SPOCK1: variants seen among roughly 807,000 people sequenced by gnomAD.
SPOCK1 encodes the protein testican-1.
In SPOCK1, 23 loss-of-function variants were observed where a neutral mutation model predicts 55.3. That is an observed-to-expected ratio of 0.42 (90% CI 0.30 to 0.59). The LOEUF (loss-of-function observed/expected upper bound fraction) is 0.59, where lower values mean the gene tolerates loss of function less well. Among genes scored for constraint, SPOCK1 ranks in the 20% least tolerant of loss-of-function variants. The pLI, the probability that SPOCK1 is intolerant of heterozygous loss-of-function variation, is 0.22. For synonymous variants in SPOCK1, 226 were observed against 221.0 expected (o/e 1.02, Z -0.20); for missense variants, 499 against 552.5 (o/e 0.90, Z 0.97).
At chr5:137,358,469 G>T (rs1442076887) in intron 2 of SPOCK1, among the ~76,000 whole-genome samples, 1 of 144,442 alleles carries the variant, frequency 6.9e-6, no homozygotes, top group African/African-American at 2.5e-5. Context: ...GGAGGGGAGG[G>T]GAGGGGAGGG....
At chr5:137,160,576 TA>T (rs1196011089) in intron 3 of SPOCK1, among the ~76,000 whole-genome samples, 3 of 60,030 alleles carry the variant, frequency 5.0e-5, no homozygotes, top group East Asian at 6.6e-4. Flanking sequence ...ATATATTATA[TA>T]ATATATATAA....
At chr5:137,401,830 T>C (rs934828486) in intron 2 of SPOCK1, among the ~76,000 whole-genome samples, 2 of 152,128 alleles carry the variant, frequency 1.3e-5, no homozygotes, top group Non-Finnish European at 2.9e-5. Context: ...AATCTGCTCA[T>C]GATACACATA....
intron 2 of SPOCK1, among the ~76,000 whole-genome samples, chr5:137,428,643 T>C (rs1752683128): frequency 6.6e-6 from 1 of 152,184 alleles, no homozygotes; most frequent in African/African-American, 2.4e-5. Flanking sequence ...TCATCCCTGT[T>C]AGGCATTAAG....
chr5:137,370,362 A>G (rs1751172611), intron 2 of SPOCK1, among the ~76,000 whole-genome samples: 1 of 152,224 alleles, frequency 6.6e-6, no homozygotes, highest in African/African-American at 2.4e-5. Flanking sequence ...CGTCCCTGCC[A>G]GATTTAAAAT....
At chr5:137,328,442 A>T (rs1758115721) in intron 2 of SPOCK1, among the ~76,000 whole-genome samples, 1 of 152,212 alleles carries the variant, frequency 6.6e-6, no homozygotes, top group Non-Finnish European at 1.5e-5. Context: ...GGAGAGAGCA[A>T]GTCAGATACT....
At chr5:137,212,509 G>T (rs1033720489) in intron 3 of SPOCK1, among the ~76,000 whole-genome samples, 1 of 152,150 alleles carries the variant, frequency 6.6e-6, no homozygotes, top group African/African-American at 2.4e-5. Context: ...AGCTGAATAT[G>T]TACTATGTGT....
chr5:137,320,581 C>T (rs997663371), intron 2 of SPOCK1, among the ~76,000 whole-genome samples: 4 of 152,164 alleles, frequency 2.6e-5, no homozygotes, highest in Admixed American at 1.3e-4. Context: ...AGCTCAATGC[C>T]AGAAAAAGCG....
intron 2 of SPOCK1, among the ~76,000 whole-genome samples, chr5:137,288,783 C>T (rs1040764381): frequency 1.3e-5 from 2 of 152,164 alleles, no homozygotes; most frequent in African/African-American, 4.8e-5. Flanking sequence ...GGACACAATG[C>T]CATCTGGAAT....
At chr5:137,368,526 C>T (rs1200408369) in intron 2 of SPOCK1, among the ~76,000 whole-genome samples, 3 of 152,184 alleles carry the variant, frequency 2.0e-5, no homozygotes, top group Admixed American at 2.0e-4. Flanking sequence ...CCCTGTGCAG[C>T]CCCAAATACA....
At chr5:137,334,388 T>G (rs1315589883) in intron 2 of SPOCK1, among the ~76,000 whole-genome samples, 1 of 152,170 alleles carries the variant, frequency 6.6e-6, no homozygotes. Context: ...ACAAGATGTT[T>G]GGGGAGTCCT....
At chr5:137,388,385 G>A (rs1045823120) in intron 2 of SPOCK1, among the ~76,000 whole-genome samples, 2 of 140,142 alleles carry the variant, frequency 1.4e-5, no homozygotes, top group African/African-American at 2.6e-5. Context: ...CATCTCCAGG[G>A]TAAGGGGTAT....
chr5:136,977,180 G>A lies in SPOCK1; in HGVS notation c.*1474C>T, dbSNP rs1390451165. ...CTTCAGAGACTACTGTTTGGTACTTGTATCTGGGCCAGCTTGATAGGGAGA... is the reference window on the plus strand; with the variant it reads ...CTTCAGAGACTACTGTTTGGTACTTATATCTGGGCCAGCTTGATAGGGAGA... On this transcript the variant is annotated 3_prime_UTR_variant, in exon 11 of 11. Coordinates refer to ENST00000394945, the MANE Select transcript of SPOCK1 (RefSeq NM_004598.4). 6.6e-6 allele frequency: 1 copy of A among 152,146 alleles called. No homozygotes were observed. The highest frequency in any genetic ancestry group is 1.5e-5 in the Non-Finnish European group (1 of 68,054). The allele number at this position is 152,146 out of a possible 1,614,324, so 9.4% of individuals were successfully genotyped here. A position where few individuals can be genotyped will look rare whatever the true frequency, so the allele number is the denominator to read the frequency against.
rs1750598347 is a variant in SPOCK1 at position 136,975,677 on chromosome 5, A to G, written c.*2977T>C. 6.6e-6 allele frequency: 1 copy of G among 152,290 alleles called. No homozygotes were observed. Among genetic ancestry groups the G allele is most frequent in the Admixed American group, 6.5e-5 (1 of 15,282 alleles). 9.4% of individuals were successfully genotyped at this position (152,290 alleles called of 1,614,324 possible). A position where few individuals can be genotyped will look rare whatever the true frequency, so the allele number is the denominator to read the frequency against. ...CATCCTGGGATGAGCAGGGGGACAG[A>G]CCTGGACAGACACGTTGTCATTTGC... On this transcript the variant is annotated 3_prime_UTR_variant, in exon 11 of 11. Coordinates refer to ENST00000394945, the MANE Select transcript of SPOCK1 (RefSeq NM_004598.4).
At chr5:137,398,942 C>T (rs1751914626) in intron 2 of SPOCK1, among the ~76,000 whole-genome samples, 1 of 152,082 alleles carries the variant, frequency 6.6e-6, no homozygotes, top group Non-Finnish European at 1.5e-5. Flanking sequence ...AAAAACCTGA[C>T]ACTGCAAGCA....
chr5:137,375,154 A>T (rs1285982452), intron 2 of SPOCK1, among the ~76,000 whole-genome samples: 1 of 116,184 alleles, frequency 8.6e-6, no homozygotes. Flanking sequence ...GCCAAGCTTT[A>T]AAAAAAAGTC....
At chr5:137,325,751 TA>T (rs1758063881) in intron 2 of SPOCK1, among the ~76,000 whole-genome samples, 1 of 152,164 alleles carries the variant, frequency 6.6e-6, no homozygotes, top group Admixed American at 6.5e-5. Context: ...TATTAAGAGC[TA>T]CGGAGAAAAC....
chr5:137,189,952 C>T (rs1181731477), intron 3 of SPOCK1, among the ~76,000 whole-genome samples: 2 of 142,212 alleles, frequency 1.4e-5, no homozygotes, highest in Admixed American at 7.0e-5. Context: ...GAAGTAACTA[C>T]AGATGTGGAG....
At chr5:137,388,230 G>C (rs879783334) in intron 2 of SPOCK1, among the ~76,000 whole-genome samples, 3 of 152,210 alleles carry the variant, frequency 2.0e-5, no homozygotes, top group Non-Finnish European at 2.9e-5. Context: ...CTGAGTGGAT[G>C]AGAGTTTCAT....
In SPOCK1 at chr5:137,302,768, C is replaced by T. The variant is rs189448574; in HGVS notation, c.187-35713G>A. On this transcript the variant is annotated intron_variant, in intron 2 of 10. Coordinates refer to ENST00000394945, the MANE Select transcript of SPOCK1 (RefSeq NM_004598.4). ...AAAACGTCCTTGAACTCTGCATCCA[C>T]GAGGACTTCCGGACTCAACGTTAAG... Among the ~76,000 whole-genome samples the T allele has an allele frequency of 1.4e-3, 218 of 152,166 alleles. 1 individual carries two copies. Among genetic ancestry groups the T allele is most frequent in the Admixed American group, 4.1e-3 (63 of 15,280 alleles).
Sources: gnomAD v4.1 joint callset for allele counts (sites outside exome capture counted in the v4.1 genomes callset) on GRCh38, gnomAD v4.1.1 for gene constraint, MANE v1.5 for transcripts, NCBI Gene and HGNC (gene_info 2026-07-23, HGNC 2026-07-21) for gene names.